ZFYVE26: variants seen among roughly 807,000 people sequenced by gnomAD.
The protein encoded by ZFYVE26 is zinc finger FYVE-type containing 26, also known as zinc finger FYVE domain-containing protein 26.
In ZFYVE26, 181 loss-of-function variants were observed where a neutral mutation model predicts 276.5. That is an observed-to-expected ratio of 0.65 (90% CI 0.58 to 0.74). The LOEUF (loss-of-function observed/expected upper bound fraction) is 0.74, where lower values mean the gene tolerates loss of function less well. Ranked by LOEUF, ZFYVE26 falls within the 30% of genes least tolerant of loss-of-function variation. The probability of loss-of-function intolerance (pLI) is 0.00; values close to 1 mark genes in which losing one functional copy is unlikely to be tolerated. For missense variants in ZFYVE26, 2,821 were observed against 3,097.9 expected (o/e 0.91, Z 2.12); for synonymous variants, 1,129 against 1,203.1 (o/e 0.94, Z 1.27).
chr14:67,802,189 G>A lies in ZFYVE26; in HGVS notation c.1529C>T (p.Ala510Val). ...GFCAMKYAIY[A>V]LCVNSHQHSQ... ...GTGCTGGTGTGAGTTTACACAGAGG[G>A]CATAGATGGCATACTTCATGGCACA... The change falls in exon 10 of 42, where the codon GCC becomes GTC. Residue 510 changes from alanine to valine, a missense_variant. Physicochemically the swap from Ala to Val is moderately conservative, Grantham distance 64. Coordinates refer to ENST00000347230, the MANE Select transcript of ZFYVE26 (RefSeq NM_015346.4). 5.6e-6 allele frequency: 9 copies of A among 1,614,186 alleles called. No homozygotes were observed. The highest frequency in any genetic ancestry group is 7.6e-6 in the Non-Finnish European group (9 of 1,180,028).
intron 18 of ZFYVE26, 45 bp from the exon 19 acceptor site, chr14:67,785,322 G>C: frequency 6.5e-7 from 1 of 1,533,528 alleles, no homozygotes; most frequent in Non-Finnish European, 8.8e-7. Flanking sequence ...TTCAGTCTGT[G>C]AGTCCAGCTT....
intron 3 of ZFYVE26, 69 bp from the exon 4 acceptor site, chr14:67,809,358 A>G: frequency 8.7e-7 from 1 of 1,150,672 alleles, no homozygotes. Flanking sequence ...ATAATTAAAT[A>G]TTTCTGTCCA....
Position 67,807,718 on chromosome 14 carries a change from A to G in ZFYVE26, c.566T>C (p.Leu189Pro), listed in dbSNP as rs201006282. 1 of 1,614,194 alleles carries G rather than the reference A, an allele frequency of 6.2e-7. No individual in the cohort carries two copies. The highest frequency in any genetic ancestry group is 1.3e-5 in the African/African-American group (1 of 75,056). Reference protein sequence around the residue: ...DDGTGLCHWPLQNALVDLIRK... With the variant: ...DDGTGLCHWPPQNALVDLIRK... The stretch of plus-strand genomic sequence containing the variant: ...AATGAGGTCCACCAGTGCATTCTGC[A>G]GAGGCCAGTGACAGAGGCCAGTACC... Residue 189 changes from leucine (L) to proline (P), a missense_variant, in exon 5 of 42, where the codon CTG (leucine) becomes CCG (proline). Transcript: ENST00000347230.
intron 10 of ZFYVE26, chr14:67,799,204 G>A: frequency 1.2e-6 from 2 of 1,609,022 alleles, no homozygotes; most frequent in Non-Finnish European, 8.5e-7. Context: ...CAGAAGAAGA[G>A]CTGGCTGATA....
In ZFYVE26 at chr14:67,755,040, C is replaced by T. The variant is rs1450054918; in HGVS notation, c.6986+11G>A. ...TGCCCCACACCAATAGTCCCCTGAACCTCCAGCTACCTTGACACATCAGCT... is the reference window on the plus strand; with the variant it reads ...TGCCCCACACCAATAGTCCCCTGAATCTCCAGCTACCTTGACACATCAGCT... On this transcript the variant is annotated intron_variant, in intron 37 of 41. Coordinates refer to ENST00000347230, the MANE Select transcript of ZFYVE26 (RefSeq NM_015346.4). 1.9e-6 allele frequency: 3 copies of T among 1,613,594 alleles called. No individual in the cohort carries two copies. The East Asian group carries it at 6.7e-5, about 36-fold the overall frequency.
intron 3 of ZFYVE26, among the ~76,000 whole-genome samples, chr14:67,811,730 T>A (rs1594941826): frequency 6.6e-6 from 1 of 150,598 alleles, no homozygotes; most frequent in African/African-American, 2.4e-5. Context: ...ATGTAACATA[T>A]ATGTTATATT....
chr14:67,771,423 A>G (rs1253277250), intron 28 of ZFYVE26, among the ~76,000 whole-genome samples: 1 of 152,218 alleles, frequency 6.6e-6, no homozygotes, highest in Non-Finnish European at 1.5e-5. Flanking sequence ...TTTCATTCTA[A>G]TAGAAATATT....
At chr14:67,767,209 A>G (rs2039082337) in intron 31 of ZFYVE26, among the ~76,000 whole-genome samples, 1 of 152,278 alleles carries the variant, frequency 6.6e-6, no homozygotes, top group Admixed American at 6.5e-5. Context: ...CTTGAAACCT[A>G]TCAAGTAGAT....
At position 67,790,757 on chromosome 14, in the gene ZFYVE26, T is replaced by C; in HGVS notation, c.2570A>G (p.Asn857Ser). The C allele has an allele frequency of 6.2e-7, 1 of 1,614,104 alleles. No individual in the cohort carries two copies. Among genetic ancestry groups the C allele is most frequent in the Non-Finnish European group, 8.5e-7 (1 of 1,180,000 alleles). The change falls in exon 15 of 42, where the codon AAC (asparagine) becomes AGC (serine). Residue 857 changes from asparagine (N) to serine (S), a missense_variant. Coordinates refer to ENST00000347230, the MANE Select transcript of ZFYVE26 (RefSeq NM_015346.4). ...CCCTGAACTGGGTGAGGACTTCAGG[T>C]TGAACGTGAACAGCACCTGTCATAG... ...AEAHQVLFTF[N>S]LKSSPSSGEL... is the part of the protein sequence containing the mutation.
intron 19 of ZFYVE26, 31 bp from the exon 20 acceptor site, chr14:67,784,467 G>A: frequency 1.9e-6 from 3 of 1,589,878 alleles, no homozygotes; most frequent in Non-Finnish European, 2.6e-6. Context: ...ATCTTTGTTT[G>A]CACCACTGAC....
intron 1 of ZFYVE26, among the ~76,000 whole-genome samples, chr14:67,816,282 A>C (rs1196943528): frequency 3.3e-5 from 5 of 152,032 alleles, no homozygotes; most frequent in African/African-American, 1.2e-4. Context: ...CAGACCCATA[A>C]CTCTACGTCC....
intron 28 of ZFYVE26, 146 bp from the exon 29 acceptor site, chr14:67,769,876 C>T (rs1367819115): frequency 9.4e-7 from 1 of 1,060,032 alleles, no homozygotes; most frequent in Non-Finnish European, 1.4e-6. Flanking sequence ...AAGGACACAC[C>T]AGTCCTTGCC....
intron 12 of ZFYVE26, 59 bp downstream of exon 12, chr14:67,797,613 A>G (rs1329583735): frequency 3.2e-6 from 5 of 1,554,164 alleles, no homozygotes; most frequent in South Asian, 1.1e-5. Context: ...CTTAAAGAGT[A>G]TTAGACAAGC....
In ZFYVE26 at chr14:67,772,130, C is replaced by T. The variant is rs138965635; in HGVS notation, c.5401G>A (p.Ala1801Thr). 7.2e-4 allele frequency: 1,164 copies of T among 1,613,106 alleles called. No individual in the cohort carries two copies. Among genetic ancestry groups the T allele is most frequent in the Non-Finnish European group, 9.2e-4 (1,082 of 1,179,792 alleles). ...TQPSQEFVPP[A>T]TPPARHQWVP... ...CACTGGTGCCTGGCAGGGGGTGTCG[C>T]TGGGGGCACAAATTCCTGTGAGGGC... Residue 1801 changes from alanine (A) to threonine (T), a missense_variant, in exon 28 of 42, where the codon GCG becomes ACG. Ala to Thr is a moderately conservative substitution (Grantham distance 58, BLOSUM62 0). Coordinates refer to ENST00000347230, the MANE Select transcript of ZFYVE26 (RefSeq NM_015346.4).
chr14:67,784,321 A>G lies in ZFYVE26; in HGVS notation c.3626+13T>C. On this transcript the variant is annotated intron_variant, in intron 20 of 41. Transcript: ENST00000347230. ...GAAGGCCCATGGCTGACTTGCATGGAGGTGGCTCCTACCTCTCTGGGGGAA... is the reference window on the plus strand; with the variant it reads ...GAAGGCCCATGGCTGACTTGCATGGGGGTGGCTCCTACCTCTCTGGGGGAA... 1 of 1,610,960 alleles carries G rather than the reference A, an allele frequency of 6.2e-7. No individual in the cohort carries two copies. The highest frequency in any genetic ancestry group is 8.5e-7 in the Non-Finnish European group (1 of 1,177,158).
intron 13 of ZFYVE26, among the ~76,000 whole-genome samples, chr14:67,739,273 T>C (rs1280633691): frequency 6.6e-6 from 1 of 152,182 alleles, no homozygotes; most frequent in East Asian, 1.9e-4. Flanking sequence ...TGAAGCTGGC[T>C]GGCCCAAAAA....
At chr14:67,755,834 C>T in intron 36 of ZFYVE26, 114 bp downstream of exon 36, 1 of 1,323,156 alleles carries the variant, frequency 7.6e-7, no homozygotes, top group Non-Finnish European at 1.1e-6. Flanking sequence ...CTAGGGTCAG[C>T]CAAACAGCAA....
At position 67,775,938 on chromosome 14, in the gene ZFYVE26, C is replaced by T; in HGVS notation, c.5143G>A (p.Asp1715Asn). The part of the protein sequence containing the change: ...LVGQEIGFTM[D>N]EVDSLLSRYA... ...CTGGAAAGCAGTGAGTCCACCTCGT[C>T]CATAGTGAAGCCAATCTCCTGTCCA... Residue 1715 changes from aspartate (D) to asparagine (N), a missense_variant, in exon 26 of 42, where the codon GAC (aspartate) becomes AAC (asparagine). Asp to Asn is a conservative substitution (Grantham distance 23). Transcript: ENST00000347230. 6.2e-7 allele frequency: 1 copy of T among 1,614,212 alleles called. No individual in the cohort carries two copies. The highest frequency in any genetic ancestry group is 8.5e-7 in the Non-Finnish European group (1 of 1,180,024).
In ZFYVE26 at chr14:67,807,641, C is replaced by G. The variant is rs1193009830; in HGVS notation, c.643G>C (p.Val215Leu). ...QGPDSVPPGV[V>L]DAIYGALRTL... Reference sequence around the variant, plus strand: ...CGCAGGGCTCCATAGATGGCATCGACTACCCCAGGGGGCACCGAATCAGGG... The same window carrying G: ...CGCAGGGCTCCATAGATGGCATCGAGTACCCCAGGGGGCACCGAATCAGGG... Residue 215 changes from valine to leucine, a missense_variant, in exon 5 of 42, where the codon GTC becomes CTC. Physicochemically the swap from Val to Leu is conservative, Grantham distance 32 (BLOSUM62 1). Transcript: ENST00000347230. 3 of 1,614,074 alleles carry G rather than the reference C, an allele frequency of 1.9e-6. No individual in the cohort carries two copies. The highest frequency in any genetic ancestry group is 2.2e-5 in the East Asian group (1 of 44,898).
Sources: gnomAD v4.1 joint callset for allele counts (sites outside exome capture counted in the v4.1 genomes callset) on GRCh38, gnomAD v4.1.1 for gene constraint, MANE v1.5 for transcripts, NCBI Gene and HGNC (gene_info 2026-07-23, HGNC 2026-07-21) for gene names.